Variants in RYR2 observed in about 807,000 individuals in gnomAD.
The protein encoded by RYR2 is ryanodine receptor 2, also known as cardiac muscle ryanodine receptor-calcium release channel.
A neutral mutation model predicts 601.1 loss-of-function variants in RYR2; 227 were observed. The ratio of observed to expected loss-of-function variants is 0.38; its 90% CI spans 0.34 to 0.42. The LOEUF (loss-of-function observed/expected upper bound fraction) is 0.42. RYR2 is among the 10% of genes least tolerant of loss of function. The pLI is 1.00. For synonymous variants in RYR2, 2,223 were observed against 2,175.1 expected, an observed-to-expected ratio of 1.02 and a Z score of -0.61; for missense variants, 4,646 against 6,156.5, an observed-to-expected ratio of 0.75 and a Z score of 8.21.
At chr1:237,718,336 C>T (rs1689429289) in intron 72 of RYR2, 126 bp from the exon 73 acceptor site, 3 of 495,650 alleles carry the variant, frequency 6.1e-6, no homozygotes, top group Non-Finnish European at 7.3e-6. Context: ...AAATTTGTAG[C>T]ATGTAATTTT....
intron 27 of RYR2, among the ~76,000 whole-genome samples, 172 bp downstream of exon 27, chr1:237,550,863 T>A (rs1013305112): frequency 2.6e-5 from 4 of 152,152 alleles, no homozygotes; most frequent in African/African-American, 9.7e-5. Flanking sequence ...TAGACCCATC[T>A]CTCAGTGGGA....
intron 25 of RYR2, 109 bp from the exon 26 acceptor site, chr1:237,548,322 A>G (rs548052462): frequency 8.9e-7 from 1 of 1,117,340 alleles, no homozygotes; most frequent in Non-Finnish European, 1.3e-6. Context: ...ACTGGTTACC[A>G]CTGTGGTTTA....
chr1:237,500,799 A>C lies in RYR2; in HGVS notation c.2292A>C (p.Pro764=). 6.2e-7 allele frequency: 1 copy of C among 1,614,008 alleles called. No individual in the cohort carries two copies. Among genetic ancestry groups the C allele is most frequent in the Non-Finnish European group, 8.5e-7 (1 of 1,179,890 alleles). ...GTTGCTGTTTAGATCTGAGTGCCCC[A>C]AGCATCTCGTTCCGAATTAATGGAC... ...VISCCLDLSA[P]SISFRINGQP... Residue 764 remains proline, a synonymous_variant, in exon 21 of 105, where the codon CCA becomes CCC. Transcript: ENST00000366574.
At chr1:237,375,235 A>T (rs544813819) in intron 7 of RYR2, among the ~76,000 whole-genome samples, 84 of 152,228 alleles carry the variant, frequency 5.5e-4, no homozygotes, top group Non-Finnish European at 9.8e-4. Flanking sequence ...GCATTATTCT[A>T]CATACCTGTC....
intron 8 of RYR2, among the ~76,000 whole-genome samples, chr1:237,378,634 C>T (rs1184492828): frequency 6.6e-6 from 1 of 152,166 alleles, no homozygotes; most frequent in Non-Finnish European, 1.5e-5. Flanking sequence ...TTACCACTAC[C>T]ATAAATCAAA....
intron 29 of RYR2, among the ~76,000 whole-genome samples, chr1:237,581,084 C>A (rs1673867247): frequency 6.6e-6 from 1 of 152,140 alleles, no homozygotes; most frequent in African/African-American, 2.4e-5. Flanking sequence ...ACGGGAACAG[C>A]CTTATATTAT....
intron 68 of RYR2, among the ~76,000 whole-genome samples, chr1:237,708,343 G>C (rs1054881284): frequency 5.3e-5 from 8 of 152,112 alleles, no homozygotes; most frequent in African/African-American, 1.9e-4. Flanking sequence ...GGGGAAAAAA[G>C]TCATTTTAAA....
intron 23 of RYR2, 114 bp downstream of exon 23, chr1:237,506,928 T>C (rs1255716206): frequency 5.7e-6 from 5 of 881,180 alleles, no homozygotes; most frequent in Non-Finnish European, 9.1e-6. Flanking sequence ...TGGATTGATT[T>C]TTTTCCCCCT....
At chr1:237,793,254 G>A (rs1044965623) in intron 94 of RYR2, among the ~76,000 whole-genome samples, 2 of 152,076 alleles carry the variant, frequency 1.3e-5, no homozygotes, top group African/African-American at 4.8e-5. Flanking sequence ...GCATATTCTT[G>A]GCTATTTCCA....
chr1:237,666,527 G>A lies in RYR2; in HGVS notation c.8452G>A (p.Ala2818Thr). ...SQTSQVSVDA[A>T]HGYSPRAIDM... is the part of the protein sequence containing the mutation. ...AATGATCTAGGTTTCTGTGGACGCT[G>A]CCCATGGTTACAGTCCCCGGGCCAT... The change falls in exon 57 of 105, where the codon GCC becomes ACC. Residue 2818 changes from alanine to threonine, a missense_variant. Physicochemically the swap from Ala to Thr is moderately conservative, Grantham distance 58. Transcript: ENST00000366574. 1 of 1,612,102 alleles carries A rather than the reference G, an allele frequency of 6.2e-7. No homozygotes were observed. Among genetic ancestry groups the A allele is most frequent in the Non-Finnish European group, 8.5e-7 (1 of 1,179,158 alleles).
chr1:237,208,961 T>C (rs1193776640), intron 1 of RYR2, among the ~76,000 whole-genome samples: 8 of 104,348 alleles, frequency 7.7e-5, no homozygotes, highest in Non-Finnish European at 1.7e-4. Flanking sequence ...TATATATATA[T>C]ATATATATAT....
intron 1 of RYR2, among the ~76,000 whole-genome samples, chr1:237,216,907 A>T (rs932822709): frequency 6.6e-6 from 1 of 152,226 alleles, no homozygotes; most frequent in African/African-American, 2.4e-5. Context: ...TGCTTTGTGC[A>T]TAGTGGCTAT....
intron 17 of RYR2, 54 bp downstream of exon 17, chr1:237,469,241 C>A: frequency 2.1e-6 from 1 of 466,990 alleles, no homozygotes; most frequent in Non-Finnish European, 3.3e-6. Flanking sequence ...TTTTTCTTTG[C>A]TTCGTATCCT....
intron 6 of RYR2, among the ~76,000 whole-genome samples, chr1:237,374,437 C>G (rs1185749911): frequency 1.3e-5 from 2 of 151,966 alleles, no homozygotes; most frequent in African/African-American, 4.8e-5. Flanking sequence ...GTAGGAGGAT[C>G]ACTTGAGTCT....
In RYR2 at chr1:237,660,007, G is replaced by A; in HGVS notation, c.8231G>A (p.Gly2744Glu). ...MDKLANGWIY[G>E]EIYSDSSKVQ... is the part of the protein sequence containing the mutation. ...AAGTTGGCAAATGGATGGATTTATG[G>A]AGAAATATATTCAGACTCTTCTAAG... is the stretch of plus-strand genomic sequence containing the variant. The change falls in exon 55 of 105, where the codon GGA becomes GAA. Residue 2744 changes from glycine (G) to glutamate (E), a missense_variant. Physicochemically the swap from Gly to Glu is moderately conservative, Grantham distance 98. Transcript: ENST00000366574. 6.3e-7 allele frequency: 1 copy of A among 1,587,122 alleles called. No individual in the cohort carries two copies. The highest frequency in any genetic ancestry group is 2.3e-5 in the East Asian group (1 of 43,138).
At chr1:237,136,789 G>A (rs1254117534) in intron 1 of RYR2, among the ~76,000 whole-genome samples, 1 of 152,152 alleles carries the variant, frequency 6.6e-6, no homozygotes, top group Non-Finnish European at 1.5e-5. Flanking sequence ...GCCGAAGCAG[G>A]CAGATCTCCT....
intron 24 of RYR2, among the ~76,000 whole-genome samples, chr1:237,522,664 A>G (rs567176011): frequency 2.6e-5 from 4 of 152,374 alleles, no homozygotes; most frequent in Non-Finnish European, 5.9e-5. Flanking sequence ...AATATTCATC[A>G]AATGAATGAA....
intron 1 of RYR2, among the ~76,000 whole-genome samples, chr1:237,189,133 A>C (rs898624923): frequency 6.6e-6 from 1 of 152,212 alleles, no homozygotes; most frequent in Admixed American, 6.5e-5. Flanking sequence ...ATGTGAGTGG[A>C]ATAATACAGC....
intron 80 of RYR2, among the ~76,000 whole-genome samples, chr1:237,746,506 T>C (rs1193374915): frequency 1.3e-5 from 2 of 152,164 alleles, no homozygotes; most frequent in Non-Finnish European, 2.9e-5. Flanking sequence ...GAAAGAGGAA[T>C]GATTTGCCAG....
Sources: gnomAD v4.1 joint callset for allele counts (sites outside exome capture counted in the v4.1 genomes callset) on GRCh38, gnomAD v4.1.1 for gene constraint, MANE v1.5 for transcripts, NCBI Gene and HGNC (gene_info 2026-07-23, HGNC 2026-07-21) for gene names.